Variants in NAV3 observed in about 807,000 individuals in gnomAD.
NAV3 encodes neuron navigator 3, also known as pore membrane and/or filament interacting like protein 1.
Under a neutral mutation model 244.7 loss-of-function variants are expected in NAV3, and 87 were observed. The ratio of observed to expected loss-of-function variants is 0.36; its 90% CI spans 0.30 to 0.42. The LOEUF is 0.42. Among genes scored for constraint, NAV3 ranks in the 20% least tolerant of loss-of-function variants. The probability of loss-of-function intolerance (pLI) is 1.00; values close to 1 mark genes in which losing one functional copy is unlikely to be tolerated. For synonymous variants in NAV3, 1,126 were observed against 1,042.2 expected, an observed-to-expected ratio of 1.08 and a Z score of -1.55; for missense variants, 2,663 against 2,893.3, an observed-to-expected ratio of 0.92 and a Z score of 1.83.
chr12:77,872,131 G>A (rs975289696), intron 1 of NAV3, among the ~76,000 whole-genome samples: 2 of 151,806 alleles, frequency 1.3e-5, no homozygotes, highest in Non-Finnish European at 2.9e-5. Context: ...TTTTTGATGG[G>A]GTTGTGTTTT....
chr12:78,139,254 C>T (rs1226222113), intron 19 of NAV3, among the ~76,000 whole-genome samples: 2 of 152,108 alleles, frequency 1.3e-5, no homozygotes, highest in African/African-American at 4.8e-5. Context: ...TCCTTCAATT[C>T]CATCCCCATG....
intron 12 of NAV3, among the ~76,000 whole-genome samples, chr12:78,113,405 TGAACATCCAA>T (rs1955204148): frequency 6.6e-6 from 1 of 152,240 alleles, no homozygotes; most frequent in Non-Finnish European, 1.5e-5. Flanking sequence ...AACTTCTGCC[TGAACATCCAA>T]GCATTTCCTT....
chr12:77,725,524 G>T (rs1876837169), intron 2 of NAV3, among the ~76,000 whole-genome samples: 1 of 151,478 alleles, frequency 6.6e-6, no homozygotes, highest in East Asian at 1.9e-4. Flanking sequence ...CAGTAAAAAT[G>T]TGGCAGTCTT....
intron 2 of NAV3, among the ~76,000 whole-genome samples, chr12:77,591,112 A>G (rs1452215791): frequency 6.6e-6 from 1 of 152,208 alleles, no homozygotes; most frequent in Non-Finnish European, 1.5e-5. Context: ...AATAAAATAT[A>G]TGAGATAAAA....
rs2135833353 is a variant in NAV3 at position 77,760,001 on chromosome 12, T to C, written c.73-180318T>C. 2.0e-5 allele frequency among the ~76,000 whole-genome samples: 3 copies of C among 152,340 alleles called. 1 individual carries two copies. In the South Asian group the frequency reaches 6.2e-4, roughly 32 times the overall value. On this transcript the variant is annotated intron_variant, in intron 2 of 8. Transcript: ENST00000550042. ...ATTAATACGTGTTTTCTTTCTAGGA[T>C]CAGTTATAAATCTGAGGGAATTGGA...
intron 12 of NAV3, among the ~76,000 whole-genome samples, chr12:78,074,960 G>GA (rs1319715415): frequency 1.3e-5 from 2 of 152,012 alleles, no homozygotes; most frequent in Non-Finnish European, 2.9e-5. Context: ...TCTGGGAAAA[G>GA]AAAAAAAGAA....
intron 2 of NAV3, among the ~76,000 whole-genome samples, chr12:77,816,336 C>T (rs1520731): frequency 0.28 from 42,351 of 151,976 alleles, 6,823 homozygotes; most frequent in East Asian, 0.4. Context: ...GAGAGAGGAA[C>T]ACTTGACAGC....
At chr12:78,153,429 A>C (rs1182954152) in intron 22 of NAV3, among the ~76,000 whole-genome samples, 1 of 152,072 alleles carries the variant, frequency 6.6e-6, no homozygotes, top group East Asian at 1.9e-4. Context: ...GGCAGGTCCT[A>C]TTGCCTGGCG....
chr12:77,870,898 C>T (rs975750551), intron 1 of NAV3, among the ~76,000 whole-genome samples: 1 of 152,198 alleles, frequency 6.6e-6, no homozygotes, highest in Non-Finnish European at 1.5e-5. Flanking sequence ...CATTTTAACA[C>T]CAAGGACTTG....
At chr12:78,133,426 A>G (rs1433122296) in intron 18 of NAV3, among the ~76,000 whole-genome samples, 3 of 151,342 alleles carry the variant, frequency 2.0e-5, no homozygotes, top group Non-Finnish European at 4.4e-5. Context: ...TACCTTAAAT[A>G]TGTCCTCTTG....
At chr12:77,819,358 G>A (rs2136025136) in intron 2 of NAV3, among the ~76,000 whole-genome samples, 1 of 151,062 alleles carries the variant, frequency 6.6e-6, no homozygotes. Flanking sequence ...TAATAATGAG[G>A]ATTTTAAGCT....
chr12:77,694,044 T>C (rs1161143758), intron 2 of NAV3, among the ~76,000 whole-genome samples: 1 of 152,094 alleles, frequency 6.6e-6, no homozygotes, highest in African/African-American at 2.4e-5. Flanking sequence ...ATTCCATCCT[T>C]AATATCAATC....
chr12:77,703,489 G>T (rs1371343058), intron 2 of NAV3, among the ~76,000 whole-genome samples: 2 of 152,058 alleles, frequency 1.3e-5, no homozygotes, highest in African/African-American at 2.4e-5. Context: ...ATGAACATTT[G>T]CATACAGATT....
At chr12:77,631,928 C>T (rs2136920321) in intron 2 of NAV3, among the ~76,000 whole-genome samples, 1 of 152,262 alleles carries the variant, frequency 6.6e-6, no homozygotes, top group South Asian at 2.1e-4. Context: ...TGGCACATTG[C>T]AGGCACCCGG....
At chr12:77,826,383 G>A (rs1242050818), upstream of NAV3, among the ~76,000 whole-genome samples, 1 of 151,824 alleles carries the variant, frequency 6.6e-6, no homozygotes, top group East Asian at 2.0e-4. Context: ...TCCAAGCTAC[G>A]CAGGAGGCTG....
intron 1 of NAV3, among the ~76,000 whole-genome samples, chr12:77,883,185 C>G (rs1318839848): frequency 6.6e-6 from 1 of 152,058 alleles, no homozygotes; most frequent in Non-Finnish European, 1.5e-5. Flanking sequence ...TAGAGGGAAC[C>G]TAAGAACACA....
intron 1 of NAV3, among the ~76,000 whole-genome samples, chr12:77,939,936 C>T (rs1290001608): frequency 2.6e-5 from 4 of 152,078 alleles, no homozygotes; most frequent in African/African-American, 9.7e-5. Flanking sequence ...AGTAATGTTT[C>T]TATGTAAATC....
chr12:77,940,735 T>C (rs1889789026), intron 2 of NAV3, among the ~76,000 whole-genome samples: 1 of 152,210 alleles, frequency 6.6e-6, no homozygotes, highest in Admixed American at 6.5e-5. Context: ...CATGTGTGTA[T>C]TTCGTTAGCT....
chr12:78,074,427 C>T (rs931529836), intron 12 of NAV3, among the ~76,000 whole-genome samples: 15 of 152,270 alleles, frequency 9.9e-5, no homozygotes, highest in Admixed American at 2.0e-4. Context: ...TGTAGCCAGG[C>T]GCAGTGTCTC....
Sources: allele counts gnomAD v4.1 joint callset (sites outside exome capture counted in the v4.1 genomes callset), GRCh38; gene constraint gnomAD v4.1.1; transcripts MANE v1.5; gene names NCBI Gene and HGNC (gene_info 2026-07-23, HGNC 2026-07-21).